Variants in NBEAL1 observed in about 807,000 individuals in gnomAD.
The protein encoded by NBEAL1 is neurobeachin-like protein 1.
A neutral mutation model predicts 351.3 loss-of-function variants in NBEAL1; 273 were observed. That is an observed-to-expected ratio of 0.78 (90% CI 0.70 to 0.86). The LOEUF (loss-of-function observed/expected upper bound fraction) is 0.86. NBEAL1 is among the 40% of genes least tolerant of loss of function. NBEAL1 has a pLI of 0.00. For synonymous variants in NBEAL1, 1,050 were observed against 1,086.4 expected, an observed-to-expected ratio of 0.97 and a Z score of 0.66; for missense variants, 2,961 against 3,201.3, an observed-to-expected ratio of 0.92 and a Z score of 1.81.
At chr2:203,024,158 T>C (rs2060815271) in intron 2 of NBEAL1, among the ~76,000 whole-genome samples, 1 of 149,258 alleles carries the variant, frequency 6.7e-6, no homozygotes, top group Non-Finnish European at 1.5e-5. Flanking sequence ...ATCATGCCAC[T>C]CTAGTCCAGC....
intron 53 of NBEAL1, among the ~76,000 whole-genome samples, chr2:203,210,219 C>T (rs913166894): frequency 4.0e-5 from 6 of 151,462 alleles, no homozygotes; most frequent in Non-Finnish European, 8.8e-5. Flanking sequence ...AAAAATTAGC[C>T]GGGCATGGTG....
intron 10 of NBEAL1, among the ~76,000 whole-genome samples, chr2:203,088,368 T>G (rs2062006289): frequency 6.6e-6 from 1 of 151,966 alleles, no homozygotes; most frequent in Non-Finnish European, 1.5e-5. Flanking sequence ...GATTAGGAAA[T>G]GGGAAAGGAA....
At chr2:203,135,197 C>T (rs1000740727) in intron 27 of NBEAL1, among the ~76,000 whole-genome samples, 18 of 151,786 alleles carry the variant, frequency 1.2e-4, no homozygotes, top group African/African-American at 4.4e-4. Context: ...TTAACTTTCC[C>T]TGAAAAAAAC....
At position 203,064,129 on chromosome 2, in the gene NBEAL1, C is replaced by G. The variant is rs570877401; in HGVS notation, c.516-4264C>G. ...AGTACAGTACCGTGATCTTGGCTCA[C>G]TGCAACCTCCGCCTCCCGGGTTCAA... On this transcript the variant is annotated intron_variant, in intron 6 of 55. Coordinates refer to ENST00000683969, the MANE Select transcript of NBEAL1 (RefSeq NM_001378026.1). Among the ~76,000 whole-genome samples the G allele has an allele frequency of 5.9e-5, 9 of 152,278 alleles. No homozygotes were observed. The South Asian group carries it at 1.9e-3, about 32-fold the overall frequency.
At chr2:203,085,350 A>C (rs1574948111) in intron 10 of NBEAL1, 1 of 152,256 alleles carries the variant, frequency 6.6e-6, no homozygotes, top group East Asian at 1.9e-4. Context: ...AGCCTCCCAA[A>C]GTGCTGGGAT....
rs925691891 is a variant in NBEAL1 at position 203,172,995 on chromosome 2, G to A, written c.6323+142G>A. The A allele has an allele frequency of 8.9e-6, 5 of 564,216 alleles. No homozygotes were observed. The Admixed American group carries it at 1.9e-4, about 22-fold the overall frequency. The allele number at this position is 564,216 out of a possible 1,614,324, so 35.0% of individuals were successfully genotyped here. A position where few individuals can be genotyped will look rare whatever the true frequency, so the allele number is the denominator to read the frequency against. On this transcript the variant is annotated intron_variant, in intron 41 of 55. Coordinates refer to ENST00000683969, the MANE Select transcript of NBEAL1 (RefSeq NM_001378026.1). ...CAGAGTCTGATAATTACTTCACTAA[G>A]TTTTCTTGAAAATAACTTGGTTGCC...
chr2:203,101,479 C>T (rs2062319533), intron 12 of NBEAL1, among the ~76,000 whole-genome samples: 1 of 152,150 alleles, frequency 6.6e-6, no homozygotes, highest in African/African-American at 2.4e-5. Flanking sequence ...CTTGGCTATT[C>T]AGGCTCTTTT....
chr2:203,196,252 C>T (rs560536882), intron 47 of NBEAL1, among the ~76,000 whole-genome samples: 18 of 152,312 alleles, frequency 1.2e-4, no homozygotes, highest in African/African-American at 4.3e-4. Context: ...CACATCTGCC[C>T]TTCTCTGTAC....
chr2:203,178,384 C>T (rs2064590334), intron 42 of NBEAL1, among the ~76,000 whole-genome samples: 1 of 152,022 alleles, frequency 6.6e-6, no homozygotes, highest in African/African-American at 2.4e-5. Context: ...CCAGGCTGGT[C>T]GTGAACTCCT....
At chr2:203,180,542 A>G in intron 43 of NBEAL1, 30 bp downstream of exon 43, 1 of 1,579,862 alleles carries the variant, frequency 6.3e-7, no homozygotes, top group Non-Finnish European at 8.6e-7. Context: ...AAATTTGACT[A>G]GCAGGTCCCA....
chr2:203,102,846 C>T (rs754464214), intron 12 of NBEAL1, among the ~76,000 whole-genome samples: 1 of 152,202 alleles, frequency 6.6e-6, no homozygotes, highest in South Asian at 2.1e-4. Flanking sequence ...AGGAGTCCTT[C>T]CTCCTCAATT....
At chr2:203,043,925 G>A (rs750589722) in intron 3 of NBEAL1, among the ~76,000 whole-genome samples, 7 of 152,138 alleles carry the variant, frequency 4.6e-5, no homozygotes, top group Non-Finnish European at 5.9e-5. Context: ...GAAGTACCAT[G>A]CATGCAATAC....
rs532986548 is a variant in NBEAL1, at chr2:203,220,722, G to C, written c.*3368G>C. Among the ~76,000 whole-genome samples the C allele has an allele frequency of 2.8e-4, 42 of 152,138 alleles. No homozygotes were observed. Among genetic ancestry groups the C allele is most frequent in the Non-Finnish European group, 5.1e-4 (35 of 68,014 alleles). On this transcript the variant is annotated 3_prime_UTR_variant, in exon 56 of 56. Transcript: ENST00000683969. ...ACAACTGTTTGCAATCAGTATTCTGGCATTACTCAGATAAAATTGTAAGAG... is the reference window on the plus strand; with the variant it reads ...ACAACTGTTTGCAATCAGTATTCTGCCATTACTCAGATAAAATTGTAAGAG...
chr2:203,152,676 A>G (rs2063689118), intron 35 of NBEAL1, among the ~76,000 whole-genome samples: 1 of 151,998 alleles, frequency 6.6e-6, no homozygotes, highest in South Asian at 2.1e-4. Context: ...TTCCTTTATA[A>G]CTGTCTCACT....
chr2:203,195,297 C>G (rs2065208580), intron 47 of NBEAL1, among the ~76,000 whole-genome samples: 1 of 152,070 alleles, frequency 6.6e-6, no homozygotes, highest in Non-Finnish European at 1.5e-5. Flanking sequence ...ATGGGGTACA[C>G]CACTGTATTT....
intron 10 of NBEAL1, among the ~76,000 whole-genome samples, chr2:203,095,061 T>A (rs2062152639): frequency 6.6e-6 from 1 of 151,040 alleles, no homozygotes. Context: ...GAGGTGGAGG[T>A]TGCGGTGAGC....
At chr2:203,017,572 C>G (rs2060701638) in intron 2 of NBEAL1, among the ~76,000 whole-genome samples, 1 of 152,030 alleles carries the variant, frequency 6.6e-6, no homozygotes, top group Non-Finnish European at 1.5e-5. Flanking sequence ...TGAAAATAGT[C>G]ACTAACACGT....
At chr2:203,123,181 G>A (rs921114976) in intron 19 of NBEAL1, among the ~76,000 whole-genome samples, 7 of 149,940 alleles carry the variant, frequency 4.7e-5, no homozygotes, top group East Asian at 1.9e-4. Flanking sequence ...AACCAAATAC[G>A]TTTATTATTT....
chr2:203,046,434 G>T (rs1052362772), intron 3 of NBEAL1, among the ~76,000 whole-genome samples: 5 of 151,978 alleles, frequency 3.3e-5, no homozygotes, highest in African/African-American at 1.2e-4. Context: ...AGCCAAGATG[G>T]TCTCCATCTC....
Sources: gnomAD v4.1 joint callset for allele counts (sites outside exome capture counted in the v4.1 genomes callset) on GRCh38, gnomAD v4.1.1 for gene constraint, MANE v1.5 for transcripts, NCBI Gene and HGNC (gene_info 2026-07-23, HGNC 2026-07-21) for gene names.